The following NCKAP1L variants were observed in gnomAD, a reference collection of about 807,000 sequenced individuals.
The protein encoded by NCKAP1L is NCK associated protein 1 like, also known as nck-associated protein 1-like.
A neutral mutation model predicts 139.2 loss-of-function variants in NCKAP1L; 53 were observed. That is an observed-to-expected ratio of 0.38 (90% CI 0.31 to 0.48). The LOEUF (loss-of-function observed/expected upper bound fraction) is 0.48, where lower values mean the gene tolerates loss of function less well. Among genes scored for constraint, NCKAP1L ranks in the 20% least tolerant of loss-of-function variants. The pLI, the probability that NCKAP1L is intolerant of heterozygous loss-of-function variation, is 0.98. For missense variants in NCKAP1L, 1,151 were observed against 1,381.9 expected, an observed-to-expected ratio of 0.83 and a Z score of 2.65; for synonymous variants, 468 against 499.7, an observed-to-expected ratio of 0.94 and a Z score of 0.85.
intron 30 of NCKAP1L, among the ~76,000 whole-genome samples, chr12:54,541,008 C>G (rs1457406032): frequency 6.6e-6 from 1 of 152,260 alleles, no homozygotes; most frequent in African/African-American, 2.4e-5. Context: ...CATGTAGCCT[C>G]AAATTCTGAC....
At chr12:54,503,368 T>A (rs1956816359) in intron 3 of NCKAP1L, among the ~76,000 whole-genome samples, 1 of 152,064 alleles carries the variant, frequency 6.6e-6, no homozygotes, top group Admixed American at 6.5e-5. Context: ...ATTAAAATTT[T>A]AAAAATTAAT....
Position 54,531,472 on chromosome 12 carries a change from CTG to C in NCKAP1L, c.2605-15_2605-14del, listed in dbSNP as rs1957070316. On this transcript the variant is annotated splice_polypyrimidine_tract_variant and intron_variant, in intron 23 of 30. Coordinates refer to ENST00000293373, the MANE Select transcript of NCKAP1L (RefSeq NM_005337.5). The stretch of plus-strand genomic sequence containing the variant: ...TCTCTTCTTTTCCTGCTTAATGTCT[CTG>C]TGTTCCTGGACTACAGAAGCTGGTG... 2 of 1,613,402 alleles carry C rather than the reference CTG, an allele frequency of 1.2e-6. No individual in the cohort carries two copies. Among genetic ancestry groups the C allele is most frequent in the Admixed American group, 1.7e-5 (1 of 60,006 alleles).
intron 27 of NCKAP1L, 71 bp downstream of exon 27, chr12:54,535,268 AAT>A: frequency 8.8e-7 from 1 of 1,133,538 alleles, no homozygotes; most frequent in Non-Finnish European, 1.3e-6. Flanking sequence ...AAAAAATGTC[AAT>A]GTCAAAGAAG....
Position 54,517,808 on chromosome 12 carries a change from G to A in NCKAP1L, c.1208G>A (p.Ser403Asn). Residue 403 changes from serine to asparagine, a missense_variant and splice_region_variant, in exon 13 of 31, where the codon AGC becomes AAC. Transcript: ENST00000293373. ...TGTTCTCATCCTAAACTTTATAGGAGCATTGCAGAGCTACTTTTCTTGTTG... is the reference window on the plus strand; with the variant it reads ...TGTTCTCATCCTAAACTTTATAGGAACATTGCAGAGCTACTTTTCTTGTTG... ...TKTPEDYADS[S>N]IAELLFLLEG... is the part of the protein sequence containing the mutation. 1.9e-6 allele frequency: 3 copies of A among 1,614,140 alleles called. No individual in the cohort carries two copies. Among genetic ancestry groups the A allele is most frequent in the Non-Finnish European group, 2.5e-6 (3 of 1,180,014 alleles).
rs1055730940 is a variant in NCKAP1L at position 54,543,679 on chromosome 12, T to C, written c.*994T>C. ...TGGGTATCCTTGAGGGAGTACAAGC[T>C]GTTTCAACTTAGCCCTTTTCTGCGC... On this transcript the variant is annotated 3_prime_UTR_variant, in exon 31 of 31. Coordinates refer to ENST00000293373, the MANE Select transcript of NCKAP1L (RefSeq NM_005337.5). 2 of 151,622 alleles carry C rather than the reference T, an allele frequency of 1.3e-5. No homozygotes were observed. The highest frequency in any genetic ancestry group is 2.9e-5 in the Non-Finnish European group (2 of 68,042). 9.4% of individuals were successfully genotyped at this position (151,622 alleles called of 1,614,324 possible).
chr12:54,531,848 G>A, intron 25 of NCKAP1L, 23 bp downstream of exon 25: 1 of 1,526,322 alleles, frequency 6.6e-7, no homozygotes, highest in Non-Finnish European at 9.1e-7. Flanking sequence ...GGAGGGGTCT[G>A]TCACAGAGTC....
chr12:54,510,713 GGTTTCACCAT>G (rs1283478764), intron 7 of NCKAP1L, among the ~76,000 whole-genome samples: 1 of 151,720 alleles, frequency 6.6e-6, no homozygotes, highest in Admixed American at 6.6e-5. Context: ...GTAGAGACAG[GGTTTCACCAT>G]GTTGGCCAGG....
chr12:54,499,586 T>C (rs1028630216), intron 2 of NCKAP1L, 121 bp downstream of exon 2: 2 of 616,352 alleles, frequency 3.2e-6, no homozygotes. Flanking sequence ...TTTTTATTAA[T>C]AGTTTTCCAA....
intron 6 of NCKAP1L, 27 bp downstream of exon 6, chr12:54,509,786 C>T: frequency 6.2e-7 from 1 of 1,614,162 alleles, no homozygotes; most frequent in Non-Finnish European, 8.5e-7. Context: ...TGGAGAATTC[C>T]TCAGGCAAAA....
At chr12:54,512,893 C>A (rs1014941835) in intron 9 of NCKAP1L, among the ~76,000 whole-genome samples, 1 of 151,906 alleles carries the variant, frequency 6.6e-6, no homozygotes, top group African/African-American at 2.4e-5. Context: ...GAGAAACTAT[C>A]AAGATTTTTG....
intron 5 of NCKAP1L, among the ~76,000 whole-genome samples, chr12:54,509,231 G>T (rs1404482537): frequency 1.3e-5 from 2 of 152,154 alleles, no homozygotes; most frequent in African/African-American, 2.4e-5. Context: ...ATCAGAGTGG[G>T]TTGTGGCACA....
At chr12:54,503,849 C>T (rs1956821214) in intron 3 of NCKAP1L, among the ~76,000 whole-genome samples, 1 of 151,986 alleles carries the variant, frequency 6.6e-6, no homozygotes. Flanking sequence ...CCATGTTGGC[C>T]AAGCTGGCCT....
At chr12:54,511,643 G>A (rs1157176885) in intron 7 of NCKAP1L, among the ~76,000 whole-genome samples, 160 bp from the exon 8 acceptor site, 1 of 152,236 alleles carries the variant, frequency 6.6e-6, no homozygotes, top group African/African-American at 2.4e-5. Flanking sequence ...CTGGCCTCAA[G>A]CTATCCTCCT....
At chr12:54,506,660 T>C (rs1788712089) in intron 3 of NCKAP1L, among the ~76,000 whole-genome samples, 1 of 150,018 alleles carries the variant, frequency 6.7e-6, no homozygotes, top group African/African-American at 2.4e-5. Context: ...CTTGAACTCC[T>C]GGCCTCAAGT....
chr12:54,503,759 C>T (rs1389420281), intron 3 of NCKAP1L, among the ~76,000 whole-genome samples: 1 of 151,808 alleles, frequency 6.6e-6, no homozygotes, highest in Non-Finnish European at 1.5e-5. Flanking sequence ...CTGCCTCAGC[C>T]TCCTGAGTAG....
intron 20 of NCKAP1L, among the ~76,000 whole-genome samples, chr12:54,526,004 G>T (rs765779773): frequency 1.3e-5 from 2 of 152,152 alleles, no homozygotes; most frequent in Admixed American, 6.5e-5. Context: ...TGCCAGCCAC[G>T]CATGATCTCT....
intron 29 of NCKAP1L, 43 bp from the exon 30 acceptor site, chr12:54,538,841 C>A: frequency 6.8e-7 from 1 of 1,473,790 alleles, no homozygotes; most frequent in Non-Finnish European, 9.5e-7. Context: ...CCATTTGATA[C>A]TGACCTGTAT....
At chr12:54,537,151 T>C in intron 29 of NCKAP1L, 98 bp downstream of exon 29, 1 of 743,970 alleles carries the variant, frequency 1.3e-6, no homozygotes, top group East Asian at 2.7e-5. Flanking sequence ...GGCTTTTGAG[T>C]CTAACTTCCC....
chr12:54,498,631 C>T (rs1051919177), intron 1 of NCKAP1L, among the ~76,000 whole-genome samples: 5 of 152,018 alleles, frequency 3.3e-5, no homozygotes, highest in Non-Finnish European at 7.4e-5. Context: ...GTTTCTCTGT[C>T]ACCATGAATC....
Sources: allele counts gnomAD v4.1 joint callset (sites outside exome capture counted in the v4.1 genomes callset), GRCh38; gene constraint gnomAD v4.1.1; transcripts MANE v1.5; gene names NCBI Gene and HGNC (gene_info 2026-07-23, HGNC 2026-07-21).